NEGR1: variants seen among roughly 807,000 people sequenced by gnomAD.
NEGR1 encodes the protein IgLON family member 4.
In NEGR1, 10 loss-of-function variants were observed where a neutral mutation model predicts 40.9. The observed-to-expected ratio is 0.24, with a 90% CI of 0.15 to 0.42. The LOEUF is 0.42. Ranked by LOEUF, NEGR1 falls within the 10% of genes least tolerant of loss-of-function variation. The probability of loss-of-function intolerance (pLI) is 1.00; values close to 1 mark genes in which losing one functional copy is unlikely to be tolerated. For synonymous variants in NEGR1, 185 were observed against 166.8 expected (o/e 1.11, Z -0.84); for missense variants, 352 against 438.9 (o/e 0.80, Z 1.77).
chr1:71,781,678 C>T (rs918125334), intron 2 of NEGR1, among the ~76,000 whole-genome samples: 5 of 152,298 alleles, frequency 3.3e-5, no homozygotes, highest in South Asian at 4.1e-4. Flanking sequence ...CCTGTTTCCT[C>T]GGTCAGGATA....
chr1:71,937,384 A>G (rs1048734098), intron 1 of NEGR1, among the ~76,000 whole-genome samples: 2 of 152,204 alleles, frequency 1.3e-5, no homozygotes, highest in African/African-American at 4.8e-5. Context: ...TGAAATATCA[A>G]CTGCTAGGAC....
chr1:71,809,804 T>C (rs910552619), intron 2 of NEGR1, among the ~76,000 whole-genome samples: 5 of 152,088 alleles, frequency 3.3e-5, no homozygotes. Flanking sequence ...CATTCTAAAG[T>C]GACTCCAGTG....
intron 3 of NEGR1, among the ~76,000 whole-genome samples, chr1:71,714,989 C>T (rs1286107226): frequency 1.3e-5 from 2 of 152,252 alleles, no homozygotes; most frequent in African/African-American, 4.8e-5. Flanking sequence ...AGCAGAGGTT[C>T]TCCCTAAAGG....
At position 71,398,619 on chromosome 1, in the gene NEGR1, A is replaced by G. The variant is rs1646226951; in HGVS notation, c.*8827T>C. 1 of 152,340 alleles carries G rather than the reference A, an allele frequency of 6.6e-6. No homozygotes were observed. The highest frequency in any genetic ancestry group is 1.5e-5 in the Non-Finnish European group (1 of 68,054). 9.4% of individuals were successfully genotyped at this position (152,340 alleles called of 1,614,324 possible). On this transcript the variant is annotated 3_prime_UTR_variant, in exon 7 of 7. Transcript: ENST00000357731. ...GCAGAAGAGACTTGCCTTGTCTCAG[A>G]TGAGACTTTAGACTGTGGACTTTTG... is the stretch of plus-strand genomic sequence containing the variant.
chr1:71,639,206 G>GAAAAAAAAAAAAAAAAAAAAAAA (rs111324697), intron 4 of NEGR1, among the ~76,000 whole-genome samples: 1 of 116,422 alleles, frequency 8.6e-6, no homozygotes, highest in Non-Finnish European at 1.9e-5. Flanking sequence ...GATGTTCAGG[G>GAAAAAAAAAAAAAAAAAAAAAAA]AAAAAAAAAA....
intron 1 of NEGR1, among the ~76,000 whole-genome samples, chr1:72,177,883 T>A (rs1189338523): frequency 4.0e-5 from 6 of 151,678 alleles, no homozygotes; most frequent in Non-Finnish European, 8.8e-5. Flanking sequence ...GAAGGGCCAA[T>A]AAGGTCTCCA....
chr1:72,163,597 A>G (rs1337356520), intron 1 of NEGR1, among the ~76,000 whole-genome samples: 1 of 152,072 alleles, frequency 6.6e-6, no homozygotes, highest in African/African-American at 2.4e-5. Context: ...ATCTAATTTA[A>G]TTAAATTATC....
chr1:71,906,802 A>G (rs1233349731), intron 2 of NEGR1, among the ~76,000 whole-genome samples: 1 of 152,200 alleles, frequency 6.6e-6, no homozygotes, highest in Non-Finnish European at 1.5e-5. Flanking sequence ...CTGCTAACTT[A>G]GATTTCAGGA....
chr1:71,577,932 A>G (rs973502123), intron 6 of NEGR1, among the ~76,000 whole-genome samples: 1 of 152,074 alleles, frequency 6.6e-6, no homozygotes, highest in African/African-American at 2.4e-5. Context: ...CAGTACTGAT[A>G]CACACTCTCT....
At chr1:71,479,406 G>T (rs1202578665) in intron 6 of NEGR1, among the ~76,000 whole-genome samples, 1 of 151,954 alleles carries the variant, frequency 6.6e-6, no homozygotes, top group Admixed American at 6.6e-5. Flanking sequence ...TCCCATTTTA[G>T]CTGGTTGGAT....
chr1:71,574,846 T>G (rs1404986751), intron 6 of NEGR1, among the ~76,000 whole-genome samples: 1 of 152,188 alleles, frequency 6.6e-6, no homozygotes, highest in African/African-American at 2.4e-5. Flanking sequence ...ATAATTAACT[T>G]CTCATTGAAC....
chr1:71,850,165 GTTTGT>G (rs1659558193), intron 2 of NEGR1, among the ~76,000 whole-genome samples: 1 of 140,810 alleles, frequency 7.1e-6, no homozygotes, highest in Non-Finnish European at 1.6e-5. Flanking sequence ...TTGTTTGTTT[GTTTGT>G]TTTGAGATGA....
intron 6 of NEGR1, among the ~76,000 whole-genome samples, chr1:71,437,295 A>T (rs971036592): frequency 6.6e-6 from 1 of 152,110 alleles, no homozygotes; most frequent in Admixed American, 6.6e-5. Flanking sequence ...TGATAACTAA[A>T]GGGTAAAATG....
At chr1:72,038,571 T>C (rs1157727324) in intron 1 of NEGR1, among the ~76,000 whole-genome samples, 1 of 152,050 alleles carries the variant, frequency 6.6e-6, no homozygotes, top group African/African-American at 2.4e-5. Context: ...AAATGATTTC[T>C]GTTCTAAAAA....
chr1:71,843,166 G>A (rs1022854447), intron 2 of NEGR1, among the ~76,000 whole-genome samples: 1 of 152,090 alleles, frequency 6.6e-6, no homozygotes, highest in African/African-American at 2.4e-5. Context: ...GGACATCCAT[G>A]CCCAAGGACA....
chr1:72,131,380 A>G (rs977466341), intron 1 of NEGR1, among the ~76,000 whole-genome samples: 2 of 152,206 alleles, frequency 1.3e-5, no homozygotes, highest in African/African-American at 4.8e-5. Context: ...ACATCAAGGT[A>G]GAATACAACA....
intron 6 of NEGR1, among the ~76,000 whole-genome samples, chr1:71,591,541 A>G (rs1297227003): frequency 6.6e-6 from 1 of 152,126 alleles, no homozygotes; most frequent in Non-Finnish European, 1.5e-5. Context: ...ATACCAAAGA[A>G]GTATCAATAT....
At chr1:71,809,043 G>T (rs1460626566) in intron 2 of NEGR1, among the ~76,000 whole-genome samples, 2 of 152,142 alleles carry the variant, frequency 1.3e-5, no homozygotes, top group African/African-American at 4.8e-5. Flanking sequence ...CTTTTAAAGA[G>T]CTTTACCTAT....
intron 1 of NEGR1, among the ~76,000 whole-genome samples, chr1:72,037,102 G>A (rs2100449387): frequency 6.6e-6 from 1 of 152,138 alleles, no homozygotes; most frequent in East Asian, 1.9e-4. Flanking sequence ...ATTTATCACT[G>A]TTGTAAATAA....
Sources: gnomAD v4.1 joint callset for allele counts (sites outside exome capture counted in the v4.1 genomes callset) on GRCh38, gnomAD v4.1.1 for gene constraint, MANE v1.5 for transcripts, NCBI Gene and HGNC (gene_info 2026-07-23, HGNC 2026-07-21) for gene names.